Variants in KCNT2 observed in about 807,000 individuals in gnomAD.
KCNT2 encodes potassium sodium-activated channel subfamily T member 2.
In KCNT2, 67 loss-of-function variants were observed where a neutral mutation model predicts 153.8. The observed-to-expected ratio is 0.44, with a 90% CI of 0.36 to 0.53. The LOEUF is 0.53. KCNT2 is among the 20% of genes least tolerant of loss of function. The pLI is 0.00. For synonymous variants in KCNT2, 500 were observed against 458.8 expected, an observed-to-expected ratio of 1.09 and a Z score of -1.15; for missense variants, 975 against 1,354.8, an observed-to-expected ratio of 0.72 and a Z score of 4.40.
At chr1:196,346,079 T>TTTTGAATG (rs1475723374) in intron 14 of KCNT2, among the ~76,000 whole-genome samples, 1 of 152,076 alleles carries the variant, frequency 6.6e-6, no homozygotes, top group East Asian at 1.9e-4. Context: ...CATAATAATA[T>TTTTGAATG]TCTTATACCT....
chr1:196,466,967 T>C (rs1394920018), intron 7 of KCNT2, among the ~76,000 whole-genome samples: 1 of 151,978 alleles, frequency 6.6e-6, no homozygotes, highest in Non-Finnish European at 1.5e-5. Flanking sequence ...ACCTCTTGCT[T>C]CCTTTTCTCC....
At chr1:196,361,219 A>G (rs1216275833) in intron 14 of KCNT2, among the ~76,000 whole-genome samples, 2 of 151,914 alleles carry the variant, frequency 1.3e-5, no homozygotes, top group African/African-American at 4.8e-5. Context: ...ACACACACAC[A>G]CACACAAAGC....
At chr1:196,511,073 T>TA (rs944482249) in intron 1 of KCNT2, among the ~76,000 whole-genome samples, 18 of 149,752 alleles carry the variant, frequency 1.2e-4, no homozygotes, top group Non-Finnish European at 1.0e-4. Flanking sequence ...AGGAAGCACC[T>TA]AAAAAAAGTT....
chr1:196,363,845 A>G (rs1667824381), intron 14 of KCNT2, among the ~76,000 whole-genome samples: 1 of 152,196 alleles, frequency 6.6e-6, no homozygotes, highest in African/African-American at 2.4e-5. Context: ...CTGAGATGTC[A>G]TTGCCTCTGT....
chr1:196,538,092 G>C (rs114306885), intron 1 of KCNT2, among the ~76,000 whole-genome samples: 2 of 151,942 alleles, frequency 1.3e-5, no homozygotes. Flanking sequence ...CAGGGACTGG[G>C]TGTGTACTTC....
At chr1:196,538,186 C>T (rs1655861477) in intron 1 of KCNT2, among the ~76,000 whole-genome samples, 1 of 152,130 alleles carries the variant, frequency 6.6e-6, no homozygotes, top group Admixed American at 6.5e-5. Context: ...AGCTGCTTCA[C>T]TGCCTCCTCC....
intron 22 of KCNT2, among the ~76,000 whole-genome samples, chr1:196,287,440 AAAACAAACAAACAAAC>A (rs56394042): frequency 1.3e-5 from 2 of 151,048 alleles, no homozygotes; most frequent in East Asian, 1.9e-4. Flanking sequence ...TTTACTCTTC[AAAACAAACAAACAAAC>A]AAACAAACAA....
At chr1:196,396,707 G>A (rs1490670075) in intron 13 of KCNT2, among the ~76,000 whole-genome samples, 3 of 151,464 alleles carry the variant, frequency 2.0e-5, no homozygotes, top group African/African-American at 7.3e-5. Flanking sequence ...ATTTCATCAG[G>A]TGTCAAAATG....
At chr1:196,453,079 A>T (rs1676361566) in intron 8 of KCNT2, among the ~76,000 whole-genome samples, 1 of 151,648 alleles carries the variant, frequency 6.6e-6, no homozygotes, top group Non-Finnish European at 1.5e-5. Context: ...TTTTTGGTTT[A>T]TTTTTGTTTT....
intron 24 of KCNT2, among the ~76,000 whole-genome samples, chr1:196,281,995 C>A (rs1005848527): frequency 6.6e-6 from 1 of 151,802 alleles, no homozygotes; most frequent in Admixed American, 6.6e-5. Context: ...ATGATCCACC[C>A]GCCTCAGCCT....
intron 25 of KCNT2, among the ~76,000 whole-genome samples, chr1:196,265,482 T>C (rs1657450859): frequency 6.6e-6 from 1 of 152,180 alleles, no homozygotes; most frequent in South Asian, 2.1e-4. Context: ...AATCAAGTGG[T>C]TGGTATCCAG....
intron 1 of KCNT2, among the ~76,000 whole-genome samples, chr1:196,601,980 T>C (rs1664773198): frequency 1.3e-5 from 2 of 152,112 alleles, no homozygotes; most frequent in African/African-American, 4.8e-5. Context: ...AAATTACAAT[T>C]CAATTGCTAA....
chr1:196,429,521 G>A (rs1233131059), intron 9 of KCNT2, 56 bp downstream of exon 9: 1 of 1,137,702 alleles, frequency 8.8e-7, no homozygotes, highest in Non-Finnish European at 1.2e-6. Flanking sequence ...TAAATGTGGA[G>A]GATTCAATTT....
At chr1:196,608,141 C>A in intron 1 of KCNT2, 74 bp downstream of exon 1, 1 of 1,345,390 alleles carries the variant, frequency 7.4e-7, no homozygotes, top group Admixed American at 1.7e-5. Context: ...TCCCTCCTTT[C>A]CCCACTTCGG....
intron 10 of KCNT2, 21 bp from the exon 11 acceptor site, chr1:196,426,009 A>C: frequency 3.7e-6 from 6 of 1,602,022 alleles, no homozygotes; most frequent in Non-Finnish European, 5.1e-6. Context: ...CAAAATGGGC[A>C]ATGGAATAGA....
intron 1 of KCNT2, among the ~76,000 whole-genome samples, chr1:196,537,125 C>A (rs952808325): frequency 1.3e-5 from 2 of 152,146 alleles, no homozygotes; most frequent in Non-Finnish European, 2.9e-5. Context: ...CTGAATAGCC[C>A]ACTTGGCTGC....
chr1:196,534,193 G>T (rs1437779845), intron 1 of KCNT2, among the ~76,000 whole-genome samples: 1 of 151,950 alleles, frequency 6.6e-6, no homozygotes, highest in East Asian at 1.9e-4. Context: ...ATATCTCATG[G>T]TTATCCATAT....
intron 12 of KCNT2, among the ~76,000 whole-genome samples, chr1:196,403,305 G>T (rs1263375474): frequency 6.6e-6 from 1 of 151,562 alleles, no homozygotes; most frequent in Non-Finnish European, 1.5e-5. Flanking sequence ...ATCTGAAAAG[G>T]CTACATACTG....
At chr1:196,523,717 T>C (rs1382643624) in intron 1 of KCNT2, among the ~76,000 whole-genome samples, 1 of 152,154 alleles carries the variant, frequency 6.6e-6, no homozygotes, top group Non-Finnish European at 1.5e-5. Context: ...AAAACTGAGG[T>C]CAGAGGATAT....
Sources: gnomAD v4.1 joint callset for allele counts (sites outside exome capture counted in the v4.1 genomes callset) on GRCh38, gnomAD v4.1.1 for gene constraint, MANE v1.5 for transcripts, NCBI Gene and HGNC (gene_info 2026-07-23, HGNC 2026-07-21) for gene names.